Variants in DISC1 observed in about 807,000 individuals in gnomAD.
DISC1 encodes the protein disrupted in schizophrenia 1 protein.
In DISC1, 57 loss-of-function variants were observed where a neutral mutation model predicts 84.5. That is an observed-to-expected ratio of 0.67 (90% CI 0.55 to 0.84). DISC1 has a LOEUF of 0.84. Among genes scored for constraint, DISC1 ranks in the 40% least tolerant of loss-of-function variants. The pLI is 0.00. For missense variants in DISC1, 1,000 were observed against 1,057.8 expected (o/e 0.95, Z 0.76); for synonymous variants, 411 against 415.2 (o/e 0.99, Z 0.12).
chr1:231,894,099 C>T (rs1233010040), intron 9 of DISC1, among the ~76,000 whole-genome samples: 3 of 152,138 alleles, frequency 2.0e-5, no homozygotes, highest in Non-Finnish European at 4.4e-5. Flanking sequence ...GTATTGCATA[C>T]ACTGGCTGGA....
At chr1:231,651,479 G>A (rs1046575267) in intron 1 of DISC1, among the ~76,000 whole-genome samples, 3 of 152,124 alleles carry the variant, frequency 2.0e-5, no homozygotes, top group Non-Finnish European at 4.4e-5. Context: ...AGAGGTGCCC[G>A]CCTGTATGAG....
At chr1:231,662,769 T>C (rs1444072444) in intron 1 of DISC1, among the ~76,000 whole-genome samples, 1 of 152,122 alleles carries the variant, frequency 6.6e-6, no homozygotes, top group Non-Finnish European at 1.5e-5. Context: ...TATATGTAAT[T>C]CCCATGGTAG....
intron 12 of DISC1, among the ~76,000 whole-genome samples, chr1:232,030,189 G>A (rs1669869849): frequency 6.6e-6 from 1 of 152,210 alleles, no homozygotes; most frequent in African/African-American, 2.4e-5. Context: ...GAGCATTAGT[G>A]TGAGTCTCTA....
intron 6 of DISC1, among the ~76,000 whole-genome samples, chr1:231,780,805 A>G (rs180966510): frequency 0.11 from 10,519 of 96,704 alleles, 617 homozygotes; most frequent in Non-Finnish European, 0.13. Flanking sequence ...TGTGGCACAT[A>G]TACACCATGG....
Position 231,701,969 on chromosome 1 carries a change from A to T in DISC1, c.1062A>T (p.Arg354Ser), listed in dbSNP as rs753905681. The T allele has an allele frequency of 1.9e-6, 3 of 1,605,140 alleles. No individual in the cohort carries two copies. Among genetic ancestry groups the T allele is most frequent in the Non-Finnish European group, 2.6e-6 (3 of 1,175,504 alleles). ...AACCAACATAGGTAATATCCTTAAG[A>T]TTAAAACTTCAGAAACTTCAGGAAG... is the stretch of plus-strand genomic sequence containing the variant. ...NRRQMEVISL[R>S]LKLQKLQEDA... Residue 354 changes from arginine to serine, a missense_variant, in exon 3 of 13, where the codon AGA becomes AGT. Physicochemically the swap from Arg to Ser is moderately radical, Grantham distance 110. Transcript: ENST00000439617.
intron 3 of DISC1, among the ~76,000 whole-genome samples, chr1:231,737,651 C>T (rs957156213): frequency 5.3e-5 from 8 of 152,146 alleles, no homozygotes; most frequent in African/African-American, 1.9e-4. Flanking sequence ...GTCACAAATA[C>T]AGCACTTGTA....
chr1:231,963,563 C>T (rs1660685641), intron 10 of DISC1, among the ~76,000 whole-genome samples: 2 of 151,664 alleles, frequency 1.3e-5, no homozygotes, highest in South Asian at 4.2e-4. Flanking sequence ...ATTCAGCCTT[C>T]AAGGTTTAGA....
intron 10 of DISC1, among the ~76,000 whole-genome samples, chr1:231,975,844 G>A (rs1662723056): frequency 6.6e-6 from 1 of 152,066 alleles, no homozygotes; most frequent in South Asian, 2.1e-4. Flanking sequence ...AGTGAGAGGG[G>A]GTGGATGATG....
At chr1:231,781,560 T>C (rs934265568) in intron 6 of DISC1, among the ~76,000 whole-genome samples, 2 of 152,226 alleles carry the variant, frequency 1.3e-5, no homozygotes, top group Non-Finnish European at 2.9e-5. Flanking sequence ...CTCACAAACA[T>C]GAAAGCATGT....
chr1:231,812,157 G>A (rs900692374), intron 8 of DISC1, among the ~76,000 whole-genome samples: 1 of 152,108 alleles, frequency 6.6e-6, no homozygotes, highest in Non-Finnish European at 1.5e-5. Flanking sequence ...CTGGGCTCAA[G>A]TGATCTTCTC....
At chr1:231,777,764 C>A (rs1465435692) in intron 6 of DISC1, among the ~76,000 whole-genome samples, 1 of 152,180 alleles carries the variant, frequency 6.6e-6, no homozygotes, top group African/African-American at 2.4e-5. Context: ...GATACTCATA[C>A]ACTAATTTTA....
chr1:231,689,327 C>CA (rs1553309108), intron 1 of DISC1, among the ~76,000 whole-genome samples: 14 of 149,360 alleles, frequency 9.4e-5, no homozygotes, highest in East Asian at 3.9e-4. Flanking sequence ...GCCCACGTGT[C>CA]TTTTTTTTTT....
At chr1:231,745,504 G>C (rs1169906277) in intron 3 of DISC1, 1 of 227,928 alleles carries the variant, frequency 4.4e-6, no homozygotes, top group Non-Finnish European at 9.6e-6. Context: ...TTACAGGTAT[G>C]AGCCACCGCG....
chr1:231,701,999 A>C lies in DISC1; in HGVS notation c.1092A>C (p.Ala364=). ...RLKLQKLQED[A]VENDDYDKAE... ...AACTTCAGAAACTTCAGGAAGATGCAGTTGAGAATGATGATTATGATAAAG... is the reference window on the plus strand; with the variant it reads ...AACTTCAGAAACTTCAGGAAGATGCCGTTGAGAATGATGATTATGATAAAG... The change falls in exon 3 of 13, where the codon GCA becomes GCC. Residue 364 remains alanine (A), a synonymous_variant. Coordinates refer to ENST00000439617, the MANE Select transcript of DISC1 (RefSeq NM_018662.3). 1 of 1,608,208 alleles carries C rather than the reference A, an allele frequency of 6.2e-7. No individual in the cohort carries two copies. Among genetic ancestry groups the C allele is most frequent in the South Asian group, 1.1e-5 (1 of 89,810 alleles).
chr1:231,780,036 A>G (rs1044430912), intron 6 of DISC1, among the ~76,000 whole-genome samples: 2 of 151,884 alleles, frequency 1.3e-5, no homozygotes, highest in Admixed American at 6.6e-5. Flanking sequence ...GAAGTGAACA[A>G]TGAGGTCACA....
intron 9 of DISC1, among the ~76,000 whole-genome samples, chr1:231,850,838 G>A (rs1421857864): frequency 6.6e-6 from 1 of 152,120 alleles, no homozygotes; most frequent in African/African-American, 2.4e-5. Context: ...GGGAAAGTCC[G>A]ACGCTCTGGC....
chr1:231,635,858 A>G (rs939108899), intron 1 of DISC1, among the ~76,000 whole-genome samples: 1 of 152,210 alleles, frequency 6.6e-6, no homozygotes, highest in South Asian at 2.1e-4. Context: ...ATTCAAATAG[A>G]TAGTGTTGTC....
At chr1:232,023,517 T>C (rs1558845882) in intron 11 of DISC1, among the ~76,000 whole-genome samples, 1 of 152,198 alleles carries the variant, frequency 6.6e-6, no homozygotes, top group East Asian at 1.9e-4. Context: ...GGTCTTAAGA[T>C]ATGAACAATT....
At chr1:231,808,879 A>G (rs1414072903) in intron 8 of DISC1, among the ~76,000 whole-genome samples, 1 of 152,236 alleles carries the variant, frequency 6.6e-6, no homozygotes, top group East Asian at 1.9e-4. Flanking sequence ...ACACCACAGT[A>G]GGAAACAAAT....
Sources: gnomAD v4.1 joint callset for allele counts (sites outside exome capture counted in the v4.1 genomes callset) on GRCh38, gnomAD v4.1.1 for gene constraint, MANE v1.5 for transcripts, NCBI Gene and HGNC (gene_info 2026-07-23, HGNC 2026-07-21) for gene names.